Variants in PAM observed in about 807,000 individuals in gnomAD.
PAM encodes peptidyl-glycine alpha-amidating monooxygenase.
A neutral mutation model predicts 122.1 loss-of-function variants in PAM; 72 were observed. The ratio of observed to expected loss-of-function variants is 0.59; its 90% CI spans 0.49 to 0.72. PAM has a LOEUF of 0.72. Among genes scored for constraint, PAM ranks in the 30% least tolerant of loss-of-function variants. PAM has a pLI of 0.00. For missense variants in PAM, 1,106 were observed against 1,183.7 expected, an observed-to-expected ratio of 0.93 and a Z score of 0.96; for synonymous variants, 389 against 404.4, an observed-to-expected ratio of 0.96 and a Z score of 0.46.
chr5:102,786,644 G>A (rs1760623145), intron 1 of PAM, among the ~76,000 whole-genome samples: 1 of 152,064 alleles, frequency 6.6e-6, no homozygotes, highest in South Asian at 2.1e-4. Flanking sequence ...TAAATAAATA[G>A]CAACTAAAAA....
chr5:103,003,140 GA>G lies in PAM; in HGVS notation c.1727del (p.Asn576IlefsTer9), dbSNP rs760406279. The part of the protein sequence containing the change: ...PNNAAVLQSS[G>X]KNLFYLPHGL... ...AATGCTGCAGTACTCCAGTCCAGTG[GA>G]AAAAATCTGTGAGTTAAATGACTTA... On this transcript the variant is annotated frameshift_variant, in exon 17 of 26. Coordinates refer to ENST00000438793, the MANE Select transcript of PAM (RefSeq NM_001177306.2). LOFTEE classifies it high-confidence loss of function. 3.5e-6 allele frequency: 5 copies of G among 1,423,976 alleles called. No homozygotes were observed. Among genetic ancestry groups the G allele is most frequent in the Non-Finnish European group, 5.0e-6 (5 of 1,006,558 alleles). 88.2% of individuals were successfully genotyped at this position (1,423,976 alleles called of 1,614,324 possible). A position where few individuals can be genotyped will look rare whatever the true frequency, so the allele number is the denominator to read the frequency against.
intron 14 of PAM, among the ~76,000 whole-genome samples, chr5:102,962,764 C>T (rs189772623): frequency 2.2e-4 from 33 of 151,770 alleles, no homozygotes; most frequent in African/African-American, 3.9e-4. Context: ...GTGTTATATA[C>T]GCCTACAAAC....
intron 5 of PAM, among the ~76,000 whole-genome samples, chr5:102,919,502 CTCTT>C (rs1746629221): frequency 1.3e-5 from 2 of 152,012 alleles, no homozygotes; most frequent in Non-Finnish European, 2.9e-5. Context: ...CTGCAATCCT[CTCTT>C]TGTTTTTTCT....
chr5:102,782,665 T>G lies in PAM; in HGVS notation c.-374+27317T>G, dbSNP rs201236125. On this transcript the variant is annotated intron_variant, in intron 1 of 25. Coordinates refer to ENST00000438793, the MANE Select transcript of PAM (RefSeq NM_001177306.2). ...CAGGTAGTGGAAAAGTCAGAATCAG[T>G]TAAGTACCCAGAGCACTTGCTCCCT... 1.6e-4 allele frequency among the ~76,000 whole-genome samples: 24 copies of G among 152,028 alleles called. No individual in the cohort carries two copies. In the East Asian group the frequency reaches 4.5e-3, roughly 28 times the overall value.
chr5:102,944,035 C>A (rs1756158683), intron 7 of PAM, among the ~76,000 whole-genome samples: 1 of 152,158 alleles, frequency 6.6e-6, no homozygotes, highest in African/African-American at 2.4e-5. Context: ...GTGATGGCCT[C>A]TAAGGCATTA....
intron 16 of PAM, among the ~76,000 whole-genome samples, chr5:103,000,345 T>A (rs1348620747): frequency 6.6e-6 from 1 of 152,214 alleles, no homozygotes; most frequent in Non-Finnish European, 1.5e-5. Flanking sequence ...CATGCCAGCC[T>A]GGACTTCATT....
rs916407346 is a variant in PAM, at chr5:102,945,846, G to A, written c.527-991G>A. On this transcript the variant is annotated intron_variant, in intron 7 of 25. Coordinates refer to ENST00000438793, the MANE Select transcript of PAM (RefSeq NM_001177306.2). The stretch of plus-strand genomic sequence containing the variant: ...AGCATCAATTTTTATTGCAATAAAC[G>A]TTTTAACTGTCAAATGCTTTTATGA... Among the ~76,000 whole-genome samples the A allele has an allele frequency of 9.2e-5, 14 of 152,012 alleles. No homozygotes were observed. In the South Asian group the frequency reaches 1.5e-3, roughly 16 times the overall value.
At chr5:102,824,620 T>A (rs1220749411) in intron 1 of PAM, among the ~76,000 whole-genome samples, 1 of 152,230 alleles carries the variant, frequency 6.6e-6, no homozygotes, top group Non-Finnish European at 1.5e-5. Context: ...GTTACTCACA[T>A]TACTCTGTTT....
intron 1 of PAM, among the ~76,000 whole-genome samples, chr5:102,758,931 C>T (rs1751491232): frequency 6.6e-6 from 1 of 152,096 alleles, no homozygotes; most frequent in African/African-American, 2.4e-5. Flanking sequence ...TTGAAATAGC[C>T]ATTCCTCAGC....
In PAM at chr5:102,835,831, G is replaced by A. The variant is rs534459870; in HGVS notation, c.-373-29992G>A. 1.7e-4 allele frequency among the ~76,000 whole-genome samples: 26 copies of A among 152,194 alleles called. 1 individual carries two copies. The South Asian group carries it at 5.4e-3, about 32-fold the overall frequency. On this transcript the variant is annotated intron_variant, in intron 1 of 25. Coordinates refer to ENST00000438793, the MANE Select transcript of PAM (RefSeq NM_001177306.2). ...TTTAAATTTAAAGTATATTTCATAT[G>A]TTTCAGGGAAAGGAGGGAGAGATTG... is the stretch of plus-strand genomic sequence containing the variant.
intron 14 of PAM, among the ~76,000 whole-genome samples, chr5:102,973,049 T>G (rs372137028): frequency 6.6e-6 from 1 of 152,244 alleles, no homozygotes; most frequent in African/African-American, 2.4e-5. Context: ...TTCCTAATGG[T>G]CATGAAAAGA....
intron 1 of PAM, among the ~76,000 whole-genome samples, chr5:102,805,341 T>G (rs1266421591): frequency 6.6e-6 from 1 of 152,182 alleles, no homozygotes; most frequent in Non-Finnish European, 1.5e-5. Flanking sequence ...GTGCTGTGAT[T>G]ATAGGCATGA....
At chr5:102,935,612 G>GTTTT (rs923664646) in intron 7 of PAM, among the ~76,000 whole-genome samples, 1 of 152,080 alleles carries the variant, frequency 6.6e-6, no homozygotes, top group East Asian at 1.9e-4. Flanking sequence ...TCGCTCGACA[G>GTTTT]TTTTTCCAGT....
intron 16 of PAM, among the ~76,000 whole-genome samples, chr5:102,992,616 T>G (rs1488876917): frequency 6.6e-6 from 1 of 152,142 alleles, no homozygotes; most frequent in African/African-American, 2.4e-5. Flanking sequence ...TATCGGGTTT[T>G]TTTTGTCCTT....
chr5:102,830,707 C>T (rs936461360), intron 1 of PAM, among the ~76,000 whole-genome samples: 9 of 152,288 alleles, frequency 5.9e-5, no homozygotes, highest in African/African-American at 2.2e-4. Flanking sequence ...ACCATCAAGT[C>T]CCCAAGTTGC....
chr5:102,862,819 C>A (rs1422523351), intron 1 of PAM, among the ~76,000 whole-genome samples: 1 of 152,164 alleles, frequency 6.6e-6, no homozygotes, highest in Non-Finnish European at 1.5e-5. Flanking sequence ...AGGTACTTGT[C>A]TAGTTTCACA....
intron 15 of PAM, among the ~76,000 whole-genome samples, chr5:102,988,038 C>G (rs771202502): frequency 6.6e-6 from 1 of 152,100 alleles, no homozygotes; most frequent in Non-Finnish European, 1.5e-5. Context: ...ATTGTTAAAT[C>G]CAGCCTCCTT....
At chr5:102,953,436 T>A (rs1562014750) in intron 12 of PAM, among the ~76,000 whole-genome samples, 1 of 152,160 alleles carries the variant, frequency 6.6e-6, no homozygotes, top group African/African-American at 2.4e-5. Context: ...AAGGATGTAT[T>A]AAGTGAAATA....
chr5:102,897,157 T>C (rs1796439064), intron 3 of PAM, among the ~76,000 whole-genome samples: 2 of 151,640 alleles, frequency 1.3e-5, no homozygotes, highest in South Asian at 2.1e-4. Context: ...CTACCAACGC[T>C]CTTGAAATTT....
Sources: allele counts gnomAD v4.1 joint callset (sites outside exome capture counted in the v4.1 genomes callset), GRCh38; gene constraint gnomAD v4.1.1; transcripts MANE v1.5; gene names NCBI Gene and HGNC (gene_info 2026-07-23, HGNC 2026-07-21).